ECHDC1: variants seen among roughly 807,000 people sequenced by gnomAD.
ECHDC1 encodes ethylmalonyl-CoA decarboxylase.
Under a neutral mutation model 29.7 loss-of-function variants are expected in ECHDC1, and 29 were observed. The observed-to-expected ratio is 0.98, with a 90% CI of 0.73 to 1.33. The LOEUF (loss-of-function observed/expected upper bound fraction) is 1.33, where lower values mean the gene tolerates loss of function less well. ECHDC1 is among the 40% of genes most tolerant of loss of function. The pLI, the probability that ECHDC1 is intolerant of heterozygous loss-of-function variation, is 0.00. For synonymous variants in ECHDC1, 126 were observed against 123.1 expected, an observed-to-expected ratio of 1.02 and a Z score of -0.15; for missense variants, 328 against 350.0, an observed-to-expected ratio of 0.94 and a Z score of 0.50.
In ECHDC1 at chr6:127,289,827, T is replaced by A. The variant is rs765223751; in HGVS notation, c.*42A>T. The A allele has an allele frequency of 6.5e-7, 1 of 1,530,904 alleles. No individual in the cohort carries two copies. The highest frequency in any genetic ancestry group is 8.8e-7 in the Non-Finnish European group (1 of 1,133,660). The allele number at this position is 1,530,904 out of a possible 1,614,324, so 94.8% of individuals were successfully genotyped here. On this transcript the variant is annotated 3_prime_UTR_variant, in exon 6 of 6. Coordinates refer to ENST00000454859, the MANE Select transcript of ECHDC1 (RefSeq NM_001002030.2). ...ATCATTTAACATTTATACATATTAGTCACTGGAGCTTTACTTGGAGTACAT... is the reference window on the plus strand; with the variant it reads ...ATCATTTAACATTTATACATATTAGACACTGGAGCTTTACTTGGAGTACAT...
intron 1 of ECHDC1, among the ~76,000 whole-genome samples, chr6:127,340,724 T>TA (rs1784858371): frequency 6.9e-6 from 1 of 144,846 alleles, no homozygotes; most frequent in Non-Finnish European, 1.5e-5. Context: ...GGTAAGGACT[T>TA]AGATAGTTGC....
At chr6:127,308,944 A>G (rs372944702) in intron 5 of ECHDC1, among the ~76,000 whole-genome samples, 1 of 152,198 alleles carries the variant, frequency 6.6e-6, no homozygotes, top group Admixed American at 6.5e-5. Flanking sequence ...CACCAATGAA[A>G]GAAATTGAAG....
intron 1 of ECHDC1, among the ~76,000 whole-genome samples, chr6:127,334,785 A>G (rs1784290571): frequency 6.6e-6 from 1 of 152,124 alleles, no homozygotes; most frequent in Non-Finnish European, 1.5e-5. Context: ...ATTTCCACCT[A>G]AAAGTGATTC....
At chr6:127,338,896 CT>C (rs1340656041) in intron 1 of ECHDC1, among the ~76,000 whole-genome samples, 2 of 152,148 alleles carry the variant, frequency 1.3e-5, no homozygotes, top group African/African-American at 4.8e-5. Flanking sequence ...CGGGTATGTT[CT>C]ATTTCTTAAC....
At chr6:127,322,549 T>C (rs968930789) in intron 3 of ECHDC1, among the ~76,000 whole-genome samples, 1 of 152,098 alleles carries the variant, frequency 6.6e-6, no homozygotes, top group African/African-American at 2.4e-5. Context: ...CTTTACTAAG[T>C]GATTCCTTAT....
chr6:127,298,930 C>T (rs932238802), intron 5 of ECHDC1, among the ~76,000 whole-genome samples: 1 of 151,312 alleles, frequency 6.6e-6, no homozygotes, highest in African/African-American at 2.4e-5. Flanking sequence ...GGCTGGAGTG[C>T]AGTGGTGCCA....
intron 3 of ECHDC1, among the ~76,000 whole-genome samples, chr6:127,317,643 G>T (rs925396722): frequency 1.3e-5 from 2 of 152,154 alleles, no homozygotes; most frequent in African/African-American, 4.8e-5. Context: ...TTCTGTGTTA[G>T]TGGAAAAAGT....
intron 5 of ECHDC1, among the ~76,000 whole-genome samples, chr6:127,293,983 A>G (rs906973442): frequency 6.6e-6 from 1 of 152,192 alleles, no homozygotes; most frequent in Non-Finnish European, 1.5e-5. Flanking sequence ...TATATTGCCA[A>G]ATAAAGTTAG....
intron 1 of ECHDC1, among the ~76,000 whole-genome samples, chr6:127,336,801 T>C (rs537496628): frequency 6.6e-6 from 1 of 152,296 alleles, no homozygotes; most frequent in Admixed American, 6.5e-5. Flanking sequence ...GAAGTGGTTA[T>C]GAAAAAAACA....
At position 127,342,232 on chromosome 6, in the gene ECHDC1, A is replaced by G. The variant is rs1785014316; in HGVS notation, c.-3+1104T>C. 1.8e-5 allele frequency: 17 copies of G among 964,676 alleles called. 1 individual carries two copies. The South Asian group carries it at 2.9e-4, about 17-fold the overall frequency. The allele number at this position is 964,676 out of a possible 1,614,324, so 59.8% of individuals were successfully genotyped here. On this transcript the variant is annotated intron_variant, in intron 1 of 5. Transcript: ENST00000454859. ...AGTTTTTTAACCAGTTCTTCCCATT[A>G]GTCTTAGCTGCAAGAGGGCATTTGC...
At chr6:127,299,603 A>T (rs1282206465) in intron 5 of ECHDC1, among the ~76,000 whole-genome samples, 1 of 152,176 alleles carries the variant, frequency 6.6e-6, no homozygotes, top group African/African-American at 2.4e-5. Context: ...AAAGTTTTTT[A>T]AAATTAAAAA....
chr6:127,314,871 C>T lies in ECHDC1; in HGVS notation c.442G>A (p.Val148Ile). Residue 148 changes from valine to isoleucine, a missense_variant, in exon 5 of 6, where the codon GTT becomes ATT. Transcript: ENST00000454859. ...MRLPLISVAL[V>I]QGWALGGGAE... ...CCTCCACCCAATGCCCAACCTTGAA[C>T]CAGCGCAACACTTATTAAAGGAAGT... The T allele has an allele frequency of 6.2e-7, 1 of 1,612,152 alleles. No individual in the cohort carries two copies. The highest frequency in any genetic ancestry group is 1.1e-5 in the South Asian group (1 of 90,566).
intron 5 of ECHDC1, among the ~76,000 whole-genome samples, chr6:127,304,532 T>C (rs1781298000): frequency 1.3e-5 from 2 of 152,136 alleles, no homozygotes; most frequent in African/African-American, 4.8e-5. Context: ...TAGGAAAACA[T>C]GTACCCACCA....
chr6:127,325,133 T>C (rs913973339), intron 3 of ECHDC1, among the ~76,000 whole-genome samples: 13 of 152,150 alleles, frequency 8.5e-5, no homozygotes, highest in African/African-American at 2.9e-4. Flanking sequence ...GTGATGAAAA[T>C]AGAAGCTTAC....
intron 1 of ECHDC1, among the ~76,000 whole-genome samples, chr6:127,335,525 C>T (rs1784353307): frequency 6.6e-6 from 1 of 151,974 alleles, no homozygotes; most frequent in Non-Finnish European, 1.5e-5. Flanking sequence ...TCTAACTTGC[C>T]ATCATAAATC....
At chr6:127,291,295 T>A (rs1203805986) in intron 5 of ECHDC1, among the ~76,000 whole-genome samples, 2 of 145,594 alleles carry the variant, frequency 1.4e-5, no homozygotes, top group Admixed American at 7.1e-5. Context: ...TTTTTTTTTT[T>A]AAGGAACTGG....
At chr6:127,334,393 C>T (rs1371902427) in intron 1 of ECHDC1, among the ~76,000 whole-genome samples, 1 of 152,112 alleles carries the variant, frequency 6.6e-6, no homozygotes, top group Non-Finnish European at 1.5e-5. Flanking sequence ...TTACTTCCTT[C>T]TGATCTTTCC....
intron 5 of ECHDC1, chr6:127,312,931 C>T (rs1044596883): frequency 6.6e-6 from 1 of 152,062 alleles, no homozygotes; most frequent in African/African-American, 2.4e-5. Flanking sequence ...AAAGTACATA[C>T]TCTATATATT....
intron 2 of ECHDC1, among the ~76,000 whole-genome samples, chr6:127,329,227 A>G (rs921410510): frequency 1.3e-5 from 2 of 152,104 alleles, no homozygotes; most frequent in African/African-American, 4.8e-5. Context: ...AAACCTCAAA[A>G]GATGGAAGAG....
Sources: gnomAD v4.1 joint callset for allele counts (sites outside exome capture counted in the v4.1 genomes callset) on GRCh38, gnomAD v4.1.1 for gene constraint, MANE v1.5 for transcripts, NCBI Gene and HGNC (gene_info 2026-07-23, HGNC 2026-07-21) for gene names.